WIPI2: variants seen among roughly 807,000 people sequenced by gnomAD.
The protein encoded by WIPI2 is WD repeat domain phosphoinositide-interacting protein 2.
A neutral mutation model predicts 52.3 loss-of-function variants in WIPI2; 28 were observed. The observed-to-expected ratio is 0.54, with a 90% CI of 0.40 to 0.73. The LOEUF is 0.73. WIPI2 is among the 30% of genes least tolerant of loss of function. The pLI, the probability that WIPI2 is intolerant of heterozygous loss-of-function variation, is 0.00. For synonymous variants in WIPI2, 268 were observed against 245.0 expected (o/e 1.09, Z -0.88); for missense variants, 506 against 602.9 (o/e 0.84, Z 1.68).
intron 11 of WIPI2, 81 bp from the exon 12 acceptor site, chr7:5,229,527 T>TG: frequency 6.6e-7 from 1 of 1,518,732 alleles, no homozygotes; most frequent in Non-Finnish European, 8.8e-7. Context: ...CTGGCTCTGT[T>TG]GCCGCAGGGC....
chr7:5,231,994 G>A lies in WIPI2; in HGVS notation c.*1047G>A, dbSNP rs1783743266. 1 of 393,446 alleles carries A rather than the reference G, an allele frequency of 2.5e-6. No individual in the cohort carries two copies. Among genetic ancestry groups the A allele is most frequent in the Admixed American group, 4.5e-5 (1 of 22,252 alleles). The allele number at this position is 393,446 out of a possible 1,614,324, so 24.4% of individuals were successfully genotyped here. A position where few individuals can be genotyped will look rare whatever the true frequency, so the allele number is the denominator to read the frequency against. ...AAATTTCCTCAGCAAACCGATGAGAGATTGTGGTTGCAAGCTTCAGTATTT... is the reference window on the plus strand; with the variant it reads ...AAATTTCCTCAGCAAACCGATGAGAAATTGTGGTTGCAAGCTTCAGTATTT... On this transcript the variant is annotated 3_prime_UTR_variant, in exon 13 of 13. Coordinates refer to ENST00000288828, the MANE Select transcript of WIPI2 (RefSeq NM_015610.4).
chr7:5,222,779 G>C, intron 8 of WIPI2, 107 bp downstream of exon 8: 1 of 1,117,758 alleles, frequency 8.9e-7, no homozygotes, highest in Non-Finnish European at 1.3e-6. Context: ...TTCCACACGA[G>C]CATTTCTAGC....
intron 3 of WIPI2, among the ~76,000 whole-genome samples, chr7:5,204,183 T>G (rs1782182040): frequency 6.6e-6 from 1 of 152,032 alleles, no homozygotes. Context: ...AAAGTTCATC[T>G]GGGCCGGGCG....
rs1269403660 is a variant in WIPI2 at position 5,232,399 on chromosome 7, G to C, written c.*1452G>C. 2.5e-6 allele frequency: 1 copy of C among 398,304 alleles called. No individual in the cohort carries two copies. The highest frequency in any genetic ancestry group is 4.4e-6 in the Non-Finnish European group (1 of 226,076). The allele number at this position is 398,304 out of a possible 1,614,324, so 24.7% of individuals were successfully genotyped here. On this transcript the variant is annotated 3_prime_UTR_variant, in exon 13 of 13. Coordinates refer to ENST00000288828, the MANE Select transcript of WIPI2 (RefSeq NM_015610.4). ...GGCAAACTAAATGCAGGGGACGCTGGAGTCCGACTCACCTACACCGGCTTC... is the reference window on the plus strand; with the variant it reads ...GGCAAACTAAATGCAGGGGACGCTGCAGTCCGACTCACCTACACCGGCTTC...
chr7:5,222,483 G>C (rs1783191021), intron 7 of WIPI2, 119 bp from the exon 8 acceptor site: 1 of 1,039,786 alleles, frequency 9.6e-7, no homozygotes, highest in South Asian at 1.3e-5. Context: ...ACTCCTTGGT[G>C]GCCCAGGGCA....
At chr7:5,204,625 C>T (rs1449722046) in intron 3 of WIPI2, among the ~76,000 whole-genome samples, 1 of 152,054 alleles carries the variant, frequency 6.6e-6, no homozygotes, top group Non-Finnish European at 1.5e-5. Context: ...CAGATTTGGT[C>T]CGTAGAACTT....
intron 8 of WIPI2, among the ~76,000 whole-genome samples, chr7:5,223,494 C>T (rs1393961605): frequency 2.6e-5 from 4 of 152,304 alleles, no homozygotes; most frequent in East Asian, 3.9e-4. Flanking sequence ...CAGCTCCTGC[C>T]TCCTCGTGTC....
At chr7:5,206,701 T>C (rs1294275711) in intron 3 of WIPI2, among the ~76,000 whole-genome samples, 1 of 152,166 alleles carries the variant, frequency 6.6e-6, no homozygotes, top group African/African-American at 2.4e-5. Context: ...ACCACTTAGA[T>C]TCTTCCCTTG....
At chr7:5,220,957 C>G (rs1011514600) in intron 7 of WIPI2, among the ~76,000 whole-genome samples, 2 of 123,320 alleles carry the variant, frequency 1.6e-5, no homozygotes, top group African/African-American at 6.0e-5. Context: ...CCACACCCAC[C>G]TAATTTTTTT....
At chr7:5,213,434 T>C (rs1782657023) in intron 3 of WIPI2, 5 of 152,492 alleles carry the variant, frequency 3.3e-5, no homozygotes, top group Admixed American at 3.3e-4. Flanking sequence ...GGTGCGAGGG[T>C]GGTCCTGTGA....
chr7:5,217,721 G>T, intron 6 of WIPI2: 1 of 609,258 alleles, frequency 1.6e-6, no homozygotes, highest in Admixed American at 2.8e-5. Context: ...AAACCTTAGG[G>T]ATAAATTGCT....
chr7:5,229,356 T>G (rs948808762), intron 11 of WIPI2: 3 of 359,774 alleles, frequency 8.3e-6, no homozygotes, highest in African/African-American at 2.1e-5. Context: ...TCGTTATTAG[T>G]TAGTTCTTCC....
At chr7:5,196,659 C>T (rs746202327) in intron 2 of WIPI2, among the ~76,000 whole-genome samples, 14 of 152,186 alleles carry the variant, frequency 9.2e-5, no homozygotes, top group Non-Finnish European at 1.8e-4. Context: ...GGAGAAGCCC[C>T]CTCGAAGCTC....
In WIPI2 at chr7:5,221,300, G is replaced by T. The variant is rs540914983; in HGVS notation, c.670-1302G>T. On this transcript the variant is annotated intron_variant, in intron 7 of 12. Transcript: ENST00000288828. ...TCTTTTGTATTTTAGTAGAGATGGG[G>T]GTTTCACCATGTTGCCCAGGGTGGT... is the stretch of plus-strand genomic sequence containing the variant. Among the ~76,000 whole-genome samples the T allele has an allele frequency of 3.9e-5, 6 of 152,152 alleles. No individual in the cohort carries two copies. In the South Asian group the frequency reaches 6.2e-4, roughly 16 times the overall value.
chr7:5,209,013 A>ATTTTTT (rs55697377), intron 3 of WIPI2, among the ~76,000 whole-genome samples: 31 of 92,854 alleles, frequency 3.3e-4, no homozygotes, highest in Non-Finnish European at 4.4e-4. Context: ...ATATTCTGTG[A>ATTTTTT]TTTTTTTTTT....
intron 2 of WIPI2, among the ~76,000 whole-genome samples, chr7:5,199,345 G>A (rs1008442749): frequency 6.6e-6 from 1 of 152,182 alleles, no homozygotes; most frequent in Non-Finnish European, 1.5e-5. Context: ...TCCAGCCTCA[G>A]AAAAGTTTTA....
chr7:5,202,315 T>C (rs373445797), intron 3 of WIPI2, among the ~76,000 whole-genome samples: 102 of 152,340 alleles, frequency 6.7e-4, no homozygotes, highest in African/African-American at 2.4e-3. Context: ...CTACCATCAA[T>C]GTTGTAATTT....
intron 3 of WIPI2, among the ~76,000 whole-genome samples, chr7:5,204,233 G>A (rs1476978562): frequency 2.6e-5 from 4 of 152,162 alleles, no homozygotes; most frequent in Non-Finnish European, 4.4e-5. Flanking sequence ...TTGGGAGGCC[G>A]AGGCGGGTGG....
chr7:5,214,834 C>G, intron 4 of WIPI2, 130 bp downstream of exon 4: 1 of 1,062,556 alleles, frequency 9.4e-7, no homozygotes. Context: ...GGCACAGATC[C>G]TTGCCTACAG....
Sources: gnomAD v4.1 joint callset for allele counts (sites outside exome capture counted in the v4.1 genomes callset) on GRCh38, gnomAD v4.1.1 for gene constraint, MANE v1.5 for transcripts, NCBI Gene and HGNC (gene_info 2026-07-23, HGNC 2026-07-21) for gene names.